Variants in MSH3 observed in about 807,000 individuals in gnomAD.
MSH3 encodes DNA mismatch repair protein Msh3.
Under a neutral mutation model 123.3 loss-of-function variants are expected in MSH3, and 106 were observed. The observed-to-expected ratio is 0.86, with a 90% CI of 0.73 to 1.01. The LOEUF is 1.01. MSH3 is among the 50% of genes least tolerant of loss of function. The pLI, the probability that MSH3 is intolerant of heterozygous loss-of-function variation, is 0.00. For synonymous variants in MSH3, 515 were observed against 481.4 expected (o/e 1.07, Z -0.91); for missense variants, 1,459 against 1,347.6 (o/e 1.08, Z -1.29).
intron 8 of MSH3, among the ~76,000 whole-genome samples, chr5:80,711,779 T>C (rs539866885): frequency 1.3e-5 from 2 of 152,068 alleles, no homozygotes; most frequent in Admixed American, 1.3e-4. Flanking sequence ...CTTAGCCCCC[T>C]GAGTGGCTGG....
chr5:80,666,675 G>A (rs1490100431), intron 3 of MSH3, among the ~76,000 whole-genome samples: 1 of 152,114 alleles, frequency 6.6e-6, no homozygotes, highest in Non-Finnish European at 1.5e-5. Flanking sequence ...CACATCACAG[G>A]AAATTAGAAG....
rs746348952 is a variant in MSH3, at chr5:80,799,500, CTTTTTTTTTTTTTTT to C, written c.2655+6674_2655+6688del. On this transcript the variant is annotated intron_variant, in intron 19 of 23. Transcript: ENST00000265081. Reference sequence around the variant, plus strand: ...TTTATACCTGTCAAGGAAGATAGCACTTTTTTTTTTTTTTTTTTTTTTTTTTTTTTTTACAGAAAA... The same window carrying C: ...TTTATACCTGTCAAGGAAGATAGCACTTTTTTTTTTTTTTTTTACAGAAAA... 9.9e-4 allele frequency among the ~76,000 whole-genome samples: 32 copies of C among 32,328 alleles called. 1 individual carries two copies. In the South Asian group the frequency reaches 0.018, roughly 18 times the overall value. The allele number at this position is 32,328 out of a possible 152,430, so 21.2% of individuals were successfully genotyped here.
chr5:80,718,070 G>A (rs1193997907), intron 8 of MSH3, among the ~76,000 whole-genome samples: 2 of 152,162 alleles, frequency 1.3e-5, no homozygotes, highest in African/African-American at 4.8e-5. Flanking sequence ...ATAGAAGAAG[G>A]CTGCTGAAAC....
At chr5:80,673,899 TAATGGAAG>T (rs982569410) in intron 6 of MSH3, among the ~76,000 whole-genome samples, 1 of 152,212 alleles carries the variant, frequency 6.6e-6, no homozygotes, top group African/African-American at 2.4e-5. Context: ...AGTTCTCTGA[TAATGGAAG>T]AATGGAGAGA....
In MSH3 at chr5:80,654,677, G is replaced by A. The variant is rs771623781; in HGVS notation, c.-51G>A. The A allele has an allele frequency of 6.5e-7, 1 of 1,533,634 alleles. No homozygotes were observed. The highest frequency in any genetic ancestry group is 8.8e-7 in the Non-Finnish European group (1 of 1,134,064). On this transcript the variant is annotated 5_prime_UTR_variant, in exon 1 of 24. Coordinates refer to ENST00000265081, the MANE Select transcript of MSH3 (RefSeq NM_002439.5). ...AGACGCCTGGGAACTGCGGCCGCGG[G>A]CTCGCGCTCCTCGCCAGGCCCTGCC...
intron 8 of MSH3, among the ~76,000 whole-genome samples, chr5:80,723,261 T>G (rs1245154859): frequency 1.3e-5 from 2 of 152,106 alleles, no homozygotes; most frequent in Non-Finnish European, 2.9e-5. Context: ...ACTTTAGATA[T>G]AGATGCCAAG....
rs757231239 is a variant in MSH3, at chr5:80,767,927, T to C, written c.1897-6T>C. Reference sequence around the variant, plus strand: ...GCTATTTCATAAAAAATATTTCTATTTTCAGTGTTCTACCCAAGAGTTCTT... The same window carrying C: ...GCTATTTCATAAAAAATATTTCTATCTTCAGTGTTCTACCCAAGAGTTCTT... On this transcript the variant is annotated splice_polypyrimidine_tract_variant and splice_region_variant and intron_variant, in intron 13 of 23. Transcript: ENST00000265081. 6.9e-6 allele frequency: 11 copies of C among 1,595,900 alleles called. No individual in the cohort carries two copies. The East Asian group carries it at 2.5e-4, about 36-fold the overall frequency.
chr5:80,720,158 A>G (rs564805753), intron 8 of MSH3, among the ~76,000 whole-genome samples: 2 of 152,324 alleles, frequency 1.3e-5, no homozygotes, highest in African/African-American at 4.8e-5. Flanking sequence ...CATTGCGGTT[A>G]AAGTTTGGCA....
At chr5:80,678,815 C>T (rs1054941721) in intron 7 of MSH3, 112 bp from the exon 8 acceptor site, 1 of 1,158,868 alleles carries the variant, frequency 8.6e-7, no homozygotes, top group Admixed American at 1.9e-5. Context: ...AAATAGAGTA[C>T]ATACATACTC....
chr5:80,875,756 G>C lies in MSH3; in HGVS notation c.3308G>C (p.Arg1103Thr), dbSNP rs1204268208. ...AGTATTTGATTTTTCCCCAGAAAGA[G>C]ACTCAAGTATTTTGCAAAGTTATGG... ...LEGLINTKRKRLKYFAKLWTM... is the reference protein window; with the variant it reads ...LEGLINTKRKTLKYFAKLWTM... The change falls in exon 24 of 24, where the codon AGA (arginine) becomes ACA (threonine). Residue 1103 changes from arginine (R) to threonine (T), a missense_variant. By Grantham distance (71) the Arg-to-Thr change is moderately conservative. Transcript: ENST00000265081. 2 of 1,602,836 alleles carry C rather than the reference G, an allele frequency of 1.2e-6. No homozygotes were observed. The highest frequency in any genetic ancestry group is 3.3e-5 in the Admixed American group (2 of 59,990).
At chr5:80,858,473 T>G (rs1291702731) in intron 21 of MSH3, among the ~76,000 whole-genome samples, 3 of 152,222 alleles carry the variant, frequency 2.0e-5, no homozygotes, top group African/African-American at 7.2e-5. Context: ...ACCCATATGT[T>G]TTTTAAGAAT....
chr5:80,797,259 T>A (rs2112032188), intron 19 of MSH3, among the ~76,000 whole-genome samples: 1 of 152,290 alleles, frequency 6.6e-6, no homozygotes, highest in East Asian at 1.9e-4. Flanking sequence ...TCTTTTTTTA[T>A]CTGCCTTTCC....
intron 20 of MSH3, among the ~76,000 whole-genome samples, chr5:80,833,285 C>A (rs964718131): frequency 7.2e-5 from 11 of 151,880 alleles, no homozygotes; most frequent in Non-Finnish European, 1.5e-4. Context: ...ATGGATTTTT[C>A]ATTTTTTACT....
Position 80,654,923 on chromosome 5 carries a change from C to A in MSH3, c.196C>A (p.Pro66Thr), listed in dbSNP as rs767295239. Residue 66 changes from proline to threonine, a missense_variant, in exon 1 of 24, where the codon CCC (proline) becomes ACC (threonine). Coordinates refer to ENST00000265081, the MANE Select transcript of MSH3 (RefSeq NM_002439.5). Reference sequence around the variant, plus strand: ...CGCAGCGGCCGCAGCGCCCCCAGCGCCCCCAGCTCCCGCCTTCCCGCCCCA... The same window carrying A: ...CGCAGCGGCCGCAGCGCCCCCAGCGACCCCAGCTCCCGCCTTCCCGCCCCA... Reference protein sequence around the residue: ...AAAAAAAPPAPPAPAFPPQLP... With the variant: ...AAAAAAAPPATPAPAFPPQLP... 2.4e-6 allele frequency: 2 copies of A among 818,624 alleles called. No homozygotes were observed. Among genetic ancestry groups the A allele is most frequent in the East Asian group, 2.8e-5 (1 of 35,340 alleles). The allele number at this position is 818,624 out of a possible 1,614,324, so 50.7% of individuals were successfully genotyped here.
chr5:80,841,874 C>T (rs1745631400), intron 20 of MSH3, among the ~76,000 whole-genome samples: 3 of 152,130 alleles, frequency 2.0e-5, no homozygotes. Flanking sequence ...ACTCTGATGA[C>T]AGTTTCTTTT....
At chr5:80,871,919 G>A (rs1012523746) in intron 22 of MSH3, among the ~76,000 whole-genome samples, 8 of 152,210 alleles carry the variant, frequency 5.3e-5, no homozygotes, top group Admixed American at 2.0e-4. Context: ...GCCCCAAAGC[G>A]GGATGTGGTC....
At chr5:80,816,004 A>G (rs969257309) in intron 20 of MSH3, among the ~76,000 whole-genome samples, 5 of 152,234 alleles carry the variant, frequency 3.3e-5, no homozygotes, top group African/African-American at 1.2e-4. Flanking sequence ...TACTTTATGT[A>G]AGTACATTCA....
At position 80,674,989 on chromosome 5, in the gene MSH3, AT is replaced by A. The variant is rs1580553607; in HGVS notation, c.1035del (p.Leu347Ter). 1.9e-6 allele frequency: 3 copies of A among 1,602,038 alleles called. No individual in the cohort carries two copies. Among genetic ancestry groups the A allele is most frequent in the Non-Finnish European group, 2.6e-6 (3 of 1,170,532 alleles). Reference sequence around the variant, plus strand: ...TTTCTTTAATTATTATTAAATGTGAATCCCCTAATCAAGCTGGATGATGCTG... The same window carrying A: ...TTTCTTTAATTATTATTAAATGTGAACCCCTAATCAAGCTGGATGATGCTG... ...TKSTLIGEDVNPLIKLDDAVN... is the reference protein window; with the variant it reads ...TKSTLIGEDVXPLIKLDDAVN... On this transcript the variant is annotated frameshift_variant, in exon 7 of 24. Coordinates refer to ENST00000265081, the MANE Select transcript of MSH3 (RefSeq NM_002439.5). LOFTEE classifies it high-confidence loss of function.
At chr5:80,742,028 CAG>C (rs1743624804) in intron 11 of MSH3, among the ~76,000 whole-genome samples, 1 of 149,306 alleles carries the variant, frequency 6.7e-6, no homozygotes, top group African/African-American at 2.5e-5. Flanking sequence ...TTCTTTGAGA[CAG>C]AGTCTCGCTC....
Sources: gnomAD v4.1 joint callset for allele counts (sites outside exome capture counted in the v4.1 genomes callset) on GRCh38, gnomAD v4.1.1 for gene constraint, MANE v1.5 for transcripts, NCBI Gene and HGNC (gene_info 2026-07-23, HGNC 2026-07-21) for gene names.